Variants in SGMS2 observed in about 807,000 individuals in gnomAD.
SGMS2 encodes the protein sphingomyelin synthase 2.
A neutral mutation model predicts 43.8 loss-of-function variants in SGMS2; 21 were observed. The ratio of observed to expected loss-of-function variants is 0.48; its 90% CI spans 0.34 to 0.69. The LOEUF is 0.69. Among genes scored for constraint, SGMS2 ranks in the 30% least tolerant of loss-of-function variants. The pLI is 0.01. For synonymous variants in SGMS2, 167 were observed against 160.6 expected (o/e 1.04, Z -0.30); for missense variants, 384 against 443.2 (o/e 0.87, Z 1.20).
intron 4 of SGMS2, among the ~76,000 whole-genome samples, chr4:107,899,952 T>G (rs1730982535): frequency 6.6e-6 from 1 of 152,180 alleles, no homozygotes; most frequent in East Asian, 1.9e-4. Flanking sequence ...TCTCATTTAC[T>G]TATTCATTAA....
chr4:107,849,987 T>C (rs1434417724), intron 1 of SGMS2, among the ~76,000 whole-genome samples: 8 of 152,176 alleles, frequency 5.3e-5, no homozygotes, highest in Non-Finnish European at 7.4e-5. Flanking sequence ...CAGTATTGGA[T>C]GTGGGGCCTG....
At chr4:107,835,067 G>GT (rs143416744) in intron 1 of SGMS2, among the ~76,000 whole-genome samples, 99 of 148,092 alleles carry the variant, frequency 6.7e-4, no homozygotes, top group African/African-American at 1.6e-3. Context: ...AATAGATGGG[G>GT]TTTTTTTTTT....
chr4:107,862,001 T>A (rs558567264), intron 2 of SGMS2, among the ~76,000 whole-genome samples: 1 of 152,350 alleles, frequency 6.6e-6, no homozygotes, highest in South Asian at 2.1e-4. Flanking sequence ...CTTATTTTCT[T>A]GTTTCTATAG....
chr4:107,825,752 G>A (rs948445967), intron 1 of SGMS2, among the ~76,000 whole-genome samples: 5 of 150,878 alleles, frequency 3.3e-5, no homozygotes, highest in Admixed American at 6.6e-5. Context: ...CGGAAGGGAA[G>A]ACTTGGTTTC....
chr4:107,892,618 G>A (rs1399958529), intron 2 of SGMS2, among the ~76,000 whole-genome samples: 1 of 152,146 alleles, frequency 6.6e-6, no homozygotes, highest in African/African-American at 2.4e-5. Context: ...AGGGGGATAT[G>A]AGACATCAAT....
At chr4:107,859,948 A>G (rs1727633707) in intron 2 of SGMS2, among the ~76,000 whole-genome samples, 1 of 150,302 alleles carries the variant, frequency 6.7e-6, no homozygotes, top group South Asian at 2.1e-4. Flanking sequence ...CTTGAAAAAT[A>G]AAGGATTACT....
chr4:107,824,622 G>T (rs1173506629), upstream of SGMS2: 4 of 152,304 alleles, frequency 2.6e-5, no homozygotes, highest in Non-Finnish European at 4.4e-5. Context: ...TTTCGGCCGG[G>T]AGCCAAACTG....
At chr4:107,904,345 GTCC>G (rs1731371119) in intron 5 of SGMS2, among the ~76,000 whole-genome samples, 1 of 152,118 alleles carries the variant, frequency 6.6e-6, no homozygotes, top group African/African-American at 2.4e-5. Flanking sequence ...CCCCTCCCCT[GTCC>G]TCCTTGTTCT....
At chr4:107,881,257 A>C (rs1439535568) in intron 2 of SGMS2, among the ~76,000 whole-genome samples, 2 of 152,052 alleles carry the variant, frequency 1.3e-5, no homozygotes, top group Non-Finnish European at 2.9e-5. Flanking sequence ...GAAATTTAAG[A>C]AATGAAAAAA....
chr4:107,856,324 G>A (rs544723808), intron 1 of SGMS2, among the ~76,000 whole-genome samples: 30 of 152,266 alleles, frequency 2.0e-4, no homozygotes, highest in Admixed American at 2.6e-4. Context: ...AAGGGATTTT[G>A]GAGTAGTAAG....
chr4:107,879,478 T>TCC (rs1553931702), intron 2 of SGMS2, among the ~76,000 whole-genome samples: 1 of 150,118 alleles, frequency 6.7e-6, no homozygotes, highest in Admixed American at 6.6e-5. Flanking sequence ...TTTTTTTTTT[T>TCC]CGAGACCGAG....
chr4:107,857,325 G>A (rs562905453), intron 1 of SGMS2, among the ~76,000 whole-genome samples: 6 of 151,968 alleles, frequency 3.9e-5, no homozygotes, highest in Non-Finnish European at 8.8e-5. Context: ...ATGAATATTT[G>A]TGTACAGTTT....
intron 2 of SGMS2, among the ~76,000 whole-genome samples, chr4:107,865,787 C>T (rs1728067688): frequency 6.6e-6 from 1 of 152,136 alleles, no homozygotes; most frequent in Admixed American, 6.6e-5. Flanking sequence ...TGGTTTCAGT[C>T]CTGGTGGAAA....
At chr4:107,853,888 CA>C (rs1408846231) in intron 1 of SGMS2, among the ~76,000 whole-genome samples, 1 of 152,018 alleles carries the variant, frequency 6.6e-6, no homozygotes, top group Non-Finnish European at 1.5e-5. Context: ...CTGGAATGGT[CA>C]AAAAAAGCTT....
At chr4:107,861,013 G>A (rs1312540589) in intron 2 of SGMS2, among the ~76,000 whole-genome samples, 1 of 152,194 alleles carries the variant, frequency 6.6e-6, no homozygotes, top group African/African-American at 2.4e-5. Flanking sequence ...TGATTTGTTT[G>A]TTTCTCCAAC....
chr4:107,886,059 A>G (rs913527200), intron 2 of SGMS2, among the ~76,000 whole-genome samples: 1 of 152,212 alleles, frequency 6.6e-6, no homozygotes, highest in Non-Finnish European at 1.5e-5. Context: ...AATGTGAGTC[A>G]TTTCCTTTTA....
chr4:107,831,484 C>T (rs981960053), intron 1 of SGMS2, among the ~76,000 whole-genome samples: 4 of 152,142 alleles, frequency 2.6e-5, no homozygotes, highest in African/African-American at 9.7e-5. Context: ...GGTGACTATA[C>T]GAATTACATG....
intron 2 of SGMS2, among the ~76,000 whole-genome samples, chr4:107,870,055 C>T (rs1463304209): frequency 1.3e-5 from 2 of 152,120 alleles, no homozygotes; most frequent in East Asian, 1.9e-4. Context: ...GTGAGCTGTT[C>T]TCTATTATCT....
At chr4:107,908,403 A>G (rs1731796571) in intron 5 of SGMS2, among the ~76,000 whole-genome samples, 162 bp from the exon 6 acceptor site, 1 of 152,198 alleles carries the variant, frequency 6.6e-6, no homozygotes, top group African/African-American at 2.4e-5. Flanking sequence ...CTACCTGAGC[A>G]GATCCTGGGC....
Sources: allele counts gnomAD v4.1 joint callset (sites outside exome capture counted in the v4.1 genomes callset), GRCh38; gene constraint gnomAD v4.1.1; transcripts MANE v1.5; gene names NCBI Gene and HGNC (gene_info 2026-07-23, HGNC 2026-07-21).